ITGA8: variants seen among roughly 807,000 people sequenced by gnomAD.
ITGA8 encodes integrin subunit alpha 8.
ITGA8 carries 91 observed loss-of-function variants against 142.3 expected under a neutral mutation model. The observed-to-expected ratio is 0.64, with a 90% CI of 0.54 to 0.76. The LOEUF (loss-of-function observed/expected upper bound fraction) is 0.76. ITGA8 is among the 30% of genes least tolerant of loss of function. The pLI is 0.00. For missense variants in ITGA8, 1,406 were observed against 1,327.7 expected (o/e 1.06, Z -0.92); for synonymous variants, 505 against 485.2 (o/e 1.04, Z -0.54).
intron 8 of ITGA8, among the ~76,000 whole-genome samples, chr10:15,670,457 A>G (rs1404476999): frequency 6.6e-6 from 1 of 152,164 alleles, no homozygotes; most frequent in Non-Finnish European, 1.5e-5. Flanking sequence ...GTGGATCTTG[A>G]CTCCAAAGAT....
intron 2 of ITGA8, among the ~76,000 whole-genome samples, chr10:15,706,174 T>C (rs1411558399): frequency 1.3e-5 from 2 of 152,176 alleles, no homozygotes; most frequent in Non-Finnish European, 2.9e-5. Flanking sequence ...GACATGCTCC[T>C]TACCCACTGT....
At chr10:15,718,293 G>A (rs1235402668) in intron 2 of ITGA8, among the ~76,000 whole-genome samples, 2 of 152,188 alleles carry the variant, frequency 1.3e-5, no homozygotes, top group African/African-American at 4.8e-5. Context: ...CTTTCTTTCT[G>A]TAAAGAATTA....
chr10:15,644,484 ATATATATAGAAT>A (rs1564389056), intron 12 of ITGA8, among the ~76,000 whole-genome samples: 581 of 11,858 alleles, frequency 0.049, 38 homozygotes, highest in Admixed American at 0.07. Flanking sequence ...ATATATATAT[ATATATATAGAAT>A]TTTTTTTTTT....
intron 25 of ITGA8, among the ~76,000 whole-genome samples, chr10:15,565,926 G>T (rs942324120): frequency 6.6e-6 from 1 of 151,794 alleles, no homozygotes; most frequent in African/African-American, 2.4e-5. Flanking sequence ...GTGTGTGTGC[G>T]CACGCGTGAG....
intron 25 of ITGA8, among the ~76,000 whole-genome samples, chr10:15,571,490 T>G (rs1834182701): frequency 6.6e-6 from 1 of 152,252 alleles, no homozygotes; most frequent in African/African-American, 2.4e-5. Flanking sequence ...ATTAATTTCT[T>G]TCTTTCACAG....
Position 15,514,963 on chromosome 10 carries a change from G to T in ITGA8, c.*2195C>A, listed in dbSNP as rs556411333. 1.3e-5 allele frequency: 2 copies of T among 152,278 alleles called. No homozygotes were observed. The highest frequency in any genetic ancestry group is 4.8e-5 in the African/African-American group (2 of 41,538). 9.4% of individuals were successfully genotyped at this position (152,278 alleles called of 1,614,324 possible). A position where few individuals can be genotyped will look rare whatever the true frequency, so the allele number is the denominator to read the frequency against. ...ATCTGCATAAACTATCTCAACAGGG[G>T]TCTTTTTTTATGTAACCCTAAGAGT... On this transcript the variant is annotated 3_prime_UTR_variant, in exon 30 of 30. Coordinates refer to ENST00000378076, the MANE Select transcript of ITGA8 (RefSeq NM_003638.3).
intron 13 of ITGA8, among the ~76,000 whole-genome samples, chr10:15,642,837 A>C (rs1833895258): frequency 6.6e-6 from 1 of 152,190 alleles, no homozygotes; most frequent in Admixed American, 6.5e-5. Flanking sequence ...GAAATTAATG[A>C]TGTATATTTA....
rs377050542 is a variant in ITGA8 at position 15,637,437 on chromosome 10, A to G, written c.1399+6593T>C. Among the ~76,000 whole-genome samples, 18 of 152,124 alleles carry G rather than the reference A, an allele frequency of 1.2e-4. No homozygotes were observed. The East Asian group carries it at 2.9e-3, about 24-fold the overall frequency. On this transcript the variant is annotated intron_variant, in intron 13 of 29. Transcript: ENST00000378076. ...ATCACTGTTCAATTGTTACATTAATAGTATTCAATGGGAATCTGAACTCAG... is the reference window on the plus strand; with the variant it reads ...ATCACTGTTCAATTGTTACATTAATGGTATTCAATGGGAATCTGAACTCAG...
intron 28 of ITGA8, among the ~76,000 whole-genome samples, chr10:15,520,784 A>G (rs766492525): frequency 1.0e-3 from 154 of 152,352 alleles, no homozygotes; most frequent in Non-Finnish European, 1.5e-3. Context: ...AGCTGGTCTA[A>G]GGTCTCCTAG....
chr10:15,689,599 G>A (rs192946978), intron 2 of ITGA8, among the ~76,000 whole-genome samples: 231 of 152,256 alleles, frequency 1.5e-3, no homozygotes, highest in African/African-American at 5.2e-3. Context: ...CTCCAGAGAC[G>A]GAGCTCACTT....
chr10:15,671,503 G>T (rs1159110395), intron 8 of ITGA8, 100 bp downstream of exon 8: 11 of 927,600 alleles, frequency 1.2e-5, no homozygotes, highest in Non-Finnish European at 1.4e-5. Context: ...ATATCCCTTT[G>T]GTATAGCAAA....
intron 25 of ITGA8, among the ~76,000 whole-genome samples, chr10:15,565,637 T>G (rs1281310628): frequency 7.7e-6 from 1 of 130,054 alleles, no homozygotes; most frequent in Non-Finnish European, 1.6e-5. Flanking sequence ...TTACTCAGAC[T>G]GGAGTGTAGT....
chr10:15,680,145 G>T (rs931347371), intron 4 of ITGA8, among the ~76,000 whole-genome samples: 2 of 151,004 alleles, frequency 1.3e-5, no homozygotes, highest in Admixed American at 1.3e-4. Context: ...AATGTCTTCC[G>T]GTTTTTTCTT....
chr10:15,633,627 C>G (rs1025395548), intron 13 of ITGA8, among the ~76,000 whole-genome samples: 2 of 152,072 alleles, frequency 1.3e-5, no homozygotes, highest in African/African-American at 4.8e-5. Flanking sequence ...ACCATGTTGG[C>G]CAGAGGGGTC....
At chr10:15,710,011 T>G (rs1161073429) in intron 2 of ITGA8, among the ~76,000 whole-genome samples, 2 of 152,246 alleles carry the variant, frequency 1.3e-5, no homozygotes, top group Non-Finnish European at 2.9e-5. Flanking sequence ...TCTGATCTTT[T>G]ATTGTTAATC....
intron 2 of ITGA8, among the ~76,000 whole-genome samples, chr10:15,688,711 C>T (rs955325342): frequency 6.6e-6 from 1 of 152,186 alleles, no homozygotes; most frequent in African/African-American, 2.4e-5. Context: ...AATCAATACA[C>T]GTGCTACCCC....
At chr10:15,545,567 T>C (rs531337735) in intron 27 of ITGA8, among the ~76,000 whole-genome samples, 1 of 152,236 alleles carries the variant, frequency 6.6e-6, no homozygotes, top group Admixed American at 6.5e-5. Context: ...CTTTGAAACA[T>C]TCTCTTCGTT....
intron 2 of ITGA8, among the ~76,000 whole-genome samples, chr10:15,688,883 G>T (rs2131709079): frequency 6.6e-6 from 1 of 152,300 alleles, no homozygotes; most frequent in East Asian, 1.9e-4. Flanking sequence ...CAAGCCCACA[G>T]CTAACATTAC....
At chr10:15,604,537 A>G (rs1425349930) in intron 19 of ITGA8, among the ~76,000 whole-genome samples, 182 bp from the exon 20 acceptor site, 1 of 150,864 alleles carries the variant, frequency 6.6e-6, no homozygotes, top group Non-Finnish European at 1.5e-5. Context: ...GGGCAGGAAA[A>G]CACCCAGTAG....
Sources: allele counts gnomAD v4.1 joint callset (sites outside exome capture counted in the v4.1 genomes callset), GRCh38; gene constraint gnomAD v4.1.1; transcripts MANE v1.5; gene names NCBI Gene and HGNC (gene_info 2026-07-23, HGNC 2026-07-21).